CEBPZOS: variants seen among roughly 807,000 people sequenced by gnomAD.
The protein encoded by CEBPZOS is CEBPZ opposite strand.
In CEBPZOS, 10 loss-of-function variants were observed where a neutral mutation model predicts 4.8. The observed-to-expected ratio is 2.07, with a 90% CI of 1.28 to 3.52. The LOEUF is 3.52. Ranked by LOEUF, CEBPZOS falls within the 30% of genes most tolerant of loss-of-function variation. The pLI is 0.00. For synonymous variants in CEBPZOS, 25 were observed against 14.2 expected, an observed-to-expected ratio of 1.77 and a Z score of -1.72; for missense variants, 98 against 43.6, an observed-to-expected ratio of 2.25 and a Z score of -3.51.
downstream of CEBPZOS, among the ~76,000 whole-genome samples, chr2:37,208,431 A>G (rs1677610594): frequency 6.6e-6 from 1 of 152,214 alleles, no homozygotes; most frequent in Admixed American, 6.5e-5. Context: ...CAGCATATCA[A>G]AAAGATAATA....
Position 37,202,334 on chromosome 2 carries a change from T to C in CEBPZOS, c.*474T>C, listed in dbSNP as rs548304147. 2.8e-3 allele frequency: 449 copies of C among 161,064 alleles called. 4 individuals are homozygous for C. Among genetic ancestry groups the C allele is most frequent in the African/African-American group, 0.01 (426 of 41,626 alleles). The allele number at this position is 161,064 out of a possible 1,614,324, so 10.0% of individuals were successfully genotyped here. On this transcript the variant is annotated 3_prime_UTR_variant, in exon 5 of 5. Coordinates refer to ENST00000402297, the MANE Select transcript of CEBPZOS (RefSeq NM_001322374.2). ...ATTCCTTTCAGGTTGTAAAGTACCA[T>C]GAAAAGGTCTTTCAAAAATATTCCT...
At position 37,202,693 on chromosome 2, in the gene CEBPZOS, GAATA is replaced by G. The variant is rs1250343910; in HGVS notation, c.*840_*843del. The G allele has an allele frequency of 3.7e-5, 3 of 80,670 alleles. No individual in the cohort carries two copies. Among genetic ancestry groups the G allele is most frequent in the Non-Finnish European group, 2.2e-5 (1 of 45,130 alleles). 5.0% of individuals were successfully genotyped at this position (80,670 alleles called of 1,614,324 possible). A position where few individuals can be genotyped will look rare whatever the true frequency, so the allele number is the denominator to read the frequency against. On this transcript the variant is annotated 3_prime_UTR_variant, in exon 5 of 5. Coordinates refer to ENST00000402297, the MANE Select transcript of CEBPZOS (RefSeq NM_001322374.2). ...AAAAAAAAAAAAAAAAAAAAAAAAA[GAATA>G]AATAAAATAACGAAAATTTCCTATC...
chr2:37,212,425 A>G (rs367775267), intron 4 of CEBPZOS: 674 of 1,545,156 alleles, frequency 4.4e-4, no homozygotes, highest in Non-Finnish European at 5.8e-4. Flanking sequence ...GAGATACAAC[A>G]AAGAATGACA....
rs984747959 is a variant in CEBPZOS at position 37,203,842 on chromosome 2, G to A, written c.*1982G>A. 6.6e-6 allele frequency: 1 copy of A among 152,114 alleles called. No individual in the cohort carries two copies. Among genetic ancestry groups the A allele is most frequent in the African/African-American group, 2.4e-5 (1 of 41,416 alleles). The allele number at this position is 152,114 out of a possible 1,614,324, so 9.4% of individuals were successfully genotyped here. The stretch of plus-strand genomic sequence containing the variant: ...TCTGACTTTTTTCATTTAGCATAAC[G>A]TTTTTGAGGCTCATCCATGTTGTAG... On this transcript the variant is annotated 3_prime_UTR_variant, in exon 5 of 5. Coordinates refer to ENST00000402297, the MANE Select transcript of CEBPZOS (RefSeq NM_001322374.2).
At chr2:37,210,276 G>T (rs1677679277) in intron 4 of CEBPZOS, 1 of 151,908 alleles carries the variant, frequency 6.6e-6, no homozygotes, top group Non-Finnish European at 1.5e-5. Flanking sequence ...CCACCACTGG[G>T]TACTACCCAG....
downstream of CEBPZOS, chr2:37,209,420 A>T (rs796552862): frequency 1.3e-5 from 2 of 152,230 alleles, no homozygotes; most frequent in South Asian, 4.1e-4. Context: ...TTACCAAAAT[A>T]GCATGGTACT....
downstream of CEBPZOS, among the ~76,000 whole-genome samples, chr2:37,206,276 TGAA>T (rs1677536979): frequency 6.6e-6 from 1 of 152,232 alleles, no homozygotes. Context: ...GCTTCCTAAA[TGAA>T]GGAGAGATAT....
At position 37,201,103 on chromosome 2, in the gene CEBPZOS, C is replaced by G. The variant is rs1281686139; in HGVS notation, c.160+11C>G. ...CCTTCATCTTGGAAGGTATGTTTTT[C>G]CTTAAGTAAAAATAAGTATAAAACA... is the stretch of plus-strand genomic sequence containing the variant. On this transcript the variant is annotated intron_variant, in intron 3 of 4. Coordinates refer to ENST00000402297, the MANE Select transcript of CEBPZOS (RefSeq NM_001322374.2). The G allele has an allele frequency of 1.4e-6, 1 of 712,772 alleles. No individual in the cohort carries two copies. 44.2% of individuals were successfully genotyped at this position (712,772 alleles called of 1,614,324 possible).
downstream of CEBPZOS, among the ~76,000 whole-genome samples, chr2:37,207,066 A>C (rs1417214650): frequency 1.3e-5 from 2 of 152,220 alleles, no homozygotes; most frequent in Non-Finnish European, 2.9e-5. Flanking sequence ...GAGGGACATT[A>C]CATACTAGTA....
At position 37,204,047 on chromosome 2, in the gene CEBPZOS, T is replaced by A. The variant is rs1677419418; in HGVS notation, c.*2187T>A. The A allele has an allele frequency of 6.6e-6, 1 of 152,174 alleles. No homozygotes were observed. Among genetic ancestry groups the A allele is most frequent in the Admixed American group, 6.5e-5 (1 of 15,282 alleles). The allele number at this position is 152,174 out of a possible 1,614,324, so 9.4% of individuals were successfully genotyped here. A position where few individuals can be genotyped will look rare whatever the true frequency, so the allele number is the denominator to read the frequency against. ...TTTGATAAAATAGTTTCTAAAACAT[T>A]TCATCTTGATTTTTATTAAGGTGAT... On this transcript the variant is annotated 3_prime_UTR_variant, in exon 5 of 5. Coordinates refer to ENST00000402297, the MANE Select transcript of CEBPZOS (RefSeq NM_001322374.2).
intron 1 of CEBPZOS, among the ~76,000 whole-genome samples, chr2:37,196,977 C>A (rs550302339): frequency 2.6e-5 from 4 of 152,322 alleles, no homozygotes; most frequent in African/African-American, 9.6e-5. Flanking sequence ...GCTGGGAGGC[C>A]GCCCCGATTC....
rs1445210959 is a variant in CEBPZOS, at chr2:37,201,678, G to C, written c.197G>C (p.Gly66Ala). The C allele has an allele frequency of 2.4e-6, 2 of 828,572 alleles. No homozygotes were observed. Among genetic ancestry groups the C allele is most frequent in the African/African-American group, 1.7e-5 (1 of 59,234 alleles). 51.3% of individuals were successfully genotyped at this position (828,572 alleles called of 1,614,324 possible). Residue 66 changes from glycine to alanine, a missense_variant, in exon 4 of 5, where the codon GGA becomes GCA. By Grantham distance (60) the Gly-to-Ala change is moderately conservative. Coordinates refer to ENST00000402297, the MANE Select transcript of CEBPZOS (RefSeq NM_001322374.2). ...YKSTEKSGMY[G>A]IRELDQKTWL... is the part of the protein sequence containing the mutation. ...TCCACTGAGAAGTCTGGAATGTATGGAATCAGAGAGCTAGATCAAAAAACA... is the reference window on the plus strand; with the variant it reads ...TCCACTGAGAAGTCTGGAATGTATGCAATCAGAGAGCTAGATCAAAAAACA...
At chr2:37,201,025 C>G (rs749156812) in intron 2 of CEBPZOS, 23 bp from the exon 3 acceptor site, 94 of 714,486 alleles carry the variant, frequency 1.3e-4, no homozygotes, top group Middle Eastern at 2.3e-4. Flanking sequence ...TATCTAATTT[C>G]AAGACATCCT....
At chr2:37,211,277 A>G in intron 4 of CEBPZOS, 1 of 402,564 alleles carries the variant, frequency 2.5e-6, no homozygotes, top group Non-Finnish European at 4.4e-6. Flanking sequence ...CAGTTCTAAT[A>G]TTTTGTGCAA....
At chr2:37,208,429 C>G (rs1364911135), downstream of CEBPZOS, among the ~76,000 whole-genome samples, 1 of 152,210 alleles carries the variant, frequency 6.6e-6, no homozygotes, top group East Asian at 1.9e-4. Context: ...AACAGCATAT[C>G]AAAAAGATAA....
chr2:37,213,902 A>C (rs1183117539), downstream of CEBPZOS: 2 of 1,603,364 alleles, frequency 1.2e-6, no homozygotes, highest in Admixed American at 3.5e-5. Context: ...CACGTCTTCT[A>C]TACTTTCTTC....
chr2:37,201,227 T>G, intron 3 of CEBPZOS, 135 bp downstream of exon 3: 1 of 612,454 alleles, frequency 1.6e-6, no homozygotes, highest in Non-Finnish European at 2.9e-6. Flanking sequence ...GACTAAATTC[T>G]CATCTATTCT....
downstream of CEBPZOS, chr2:37,215,075 A>G (rs556136813): frequency 2.7e-5 from 18 of 678,764 alleles, no homozygotes; most frequent in South Asian, 3.0e-4. Flanking sequence ...GTGGGAAGGT[A>G]GACAGAAGGG....
In CEBPZOS at chr2:37,203,633, T is replaced by C. The variant is rs772075553; in HGVS notation, c.*1773T>C. The C allele has an allele frequency of 6.6e-6, 1 of 152,210 alleles. No individual in the cohort carries two copies. The highest frequency in any genetic ancestry group is 1.9e-4 in the East Asian group (1 of 5,202). The allele number at this position is 152,210 out of a possible 1,614,324, so 9.4% of individuals were successfully genotyped here. A position where few individuals can be genotyped will look rare whatever the true frequency, so the allele number is the denominator to read the frequency against. On this transcript the variant is annotated 3_prime_UTR_variant, in exon 5 of 5. Transcript: ENST00000402297. Reference sequence around the variant, plus strand: ...GCTGTTTTAAGTGTATTAACGCATTTTGGTAAATTTACAGACTTGTTCAAC... The same window carrying C: ...GCTGTTTTAAGTGTATTAACGCATTCTGGTAAATTTACAGACTTGTTCAAC...
Sources: allele counts gnomAD v4.1 joint callset (sites outside exome capture counted in the v4.1 genomes callset), GRCh38; gene constraint gnomAD v4.1.1; transcripts MANE v1.5; gene names NCBI Gene and HGNC (gene_info 2026-07-23, HGNC 2026-07-21).